The following CPQ variants were observed in gnomAD, a reference collection of about 807,000 sequenced individuals.
CPQ encodes the protein Ser-Met dipeptidase.
Under a neutral mutation model 45.7 loss-of-function variants are expected in CPQ, and 37 were observed. The ratio of observed to expected loss-of-function variants is 0.81; its 90% confidence interval spans 0.62 to 1.07. CPQ has a LOEUF of 1.07. CPQ is among the 50% of genes least tolerant of loss of function. CPQ has a pLI of 0.00. For synonymous variants in CPQ, 186 were observed against 205.8 expected (o/e 0.90, Z 0.82); for missense variants, 537 against 572.9 (o/e 0.94, Z 0.64).
intron 4 of CPQ, among the ~76,000 whole-genome samples, chr8:96,883,860 T>C (rs930752324): frequency 6.6e-6 from 1 of 152,240 alleles, no homozygotes; most frequent in Non-Finnish European, 1.5e-5. Context: ...CTCTATTTCC[T>C]TTCTTTTCCT....
At chr8:96,841,767 G>C (rs1477821530) in intron 3 of CPQ, among the ~76,000 whole-genome samples, 1 of 152,176 alleles carries the variant, frequency 6.6e-6, no homozygotes, top group Admixed American at 6.5e-5. Flanking sequence ...AGATGACTAA[G>C]AGCTGATTAA....
intron 1 of CPQ, among the ~76,000 whole-genome samples, chr8:96,735,662 G>A (rs1809972824): frequency 6.6e-6 from 1 of 152,112 alleles, no homozygotes; most frequent in Non-Finnish European, 1.5e-5. Context: ...ATTCCTTCTA[G>A]TGGGTCATAA....
At chr8:96,667,323 A>G (rs1410202727) in intron 1 of CPQ, among the ~76,000 whole-genome samples, 1 of 151,778 alleles carries the variant, frequency 6.6e-6, no homozygotes, top group Non-Finnish European at 1.5e-5. Context: ...TCTAATTTTG[A>G]AATTCTAATT....
chr8:96,784,831 T>A, intron 1 of CPQ, 33 bp from the exon 2 acceptor site: 1 of 1,462,520 alleles, frequency 6.8e-7, no homozygotes, highest in Non-Finnish European at 9.2e-7. Context: ...GAGATTCTTT[T>A]CCCCTAAAAC....
At chr8:96,852,297 T>C (rs904835193) in intron 3 of CPQ, among the ~76,000 whole-genome samples, 3 of 152,086 alleles carry the variant, frequency 2.0e-5, no homozygotes, top group African/African-American at 7.2e-5. Context: ...CCTTCTTAAC[T>C]AAAAACAAAA....
intron 3 of CPQ, among the ~76,000 whole-genome samples, chr8:96,865,374 A>T (rs1214550661): frequency 6.6e-6 from 1 of 152,028 alleles, no homozygotes; most frequent in East Asian, 1.9e-4. Flanking sequence ...TCTCTGTCTT[A>T]GGGAAGAATA....
intron 2 of CPQ, among the ~76,000 whole-genome samples, chr8:96,794,128 G>T (rs1810891743): frequency 6.6e-6 from 1 of 152,174 alleles, no homozygotes; most frequent in African/African-American, 2.4e-5. Flanking sequence ...CTGTGTGGGG[G>T]CTCTGATCCT....
intron 6 of CPQ, among the ~76,000 whole-genome samples, chr8:97,045,600 G>T (rs1810238624): frequency 6.6e-6 from 1 of 152,326 alleles, no homozygotes; most frequent in Admixed American, 6.5e-5. Flanking sequence ...GGGAGCTGTA[G>T]ACCAGAGCTG....
intron 6 of CPQ, among the ~76,000 whole-genome samples, chr8:97,053,969 T>A (rs1355247657): frequency 6.6e-6 from 1 of 151,844 alleles, no homozygotes; most frequent in East Asian, 1.9e-4. Flanking sequence ...AACTGACAGT[T>A]TGGGGCCCAA....
At chr8:96,980,653 C>T (rs965019383) in intron 5 of CPQ, among the ~76,000 whole-genome samples, 4 of 152,156 alleles carry the variant, frequency 2.6e-5, no homozygotes, top group Admixed American at 6.5e-5. Flanking sequence ...GCTCTCGAGT[C>T]TTCATGTCTG....
chr8:97,017,649 C>T lies in CPQ; in HGVS notation c.962-11754C>T, dbSNP rs369233723. On this transcript the variant is annotated intron_variant, in intron 5 of 7. Transcript: ENST00000220763. ...GTGACTGCCGGCTTTCCCCTACTTC[C>T]CTGACAACCTGCATTACACAGCAGA... 1.4e-3 allele frequency among the ~76,000 whole-genome samples: 206 copies of T among 152,230 alleles called. 1 individual carries two copies. Among genetic ancestry groups the T allele is most frequent in the African/African-American group, 4.8e-3 (201 of 41,536 alleles).
intron 4 of CPQ, among the ~76,000 whole-genome samples, chr8:96,880,573 A>ATATATATATATATATATG (rs1812210640): frequency 9.2e-6 from 1 of 108,960 alleles, no homozygotes; most frequent in African/African-American, 3.6e-5. Flanking sequence ...ATATATATAT[A>ATATATATATATATATATG]TATACCATGG....
chr8:96,735,813 T>C (rs1809975025), intron 1 of CPQ, among the ~76,000 whole-genome samples: 1 of 152,174 alleles, frequency 6.6e-6, no homozygotes, highest in South Asian at 2.1e-4. Context: ...TTCTTCACTG[T>C]TTATTAATCC....
At position 96,645,335 on chromosome 8, in the gene CPQ, G is replaced by GT. The variant is rs941163745; in HGVS notation, c.-101dup. On this transcript the variant is annotated 5_prime_UTR_variant, in exon 1 of 8. Transcript: ENST00000220763. ...AGTCAGGGGTGTGGCCGCCGCCACC[G>GT]TAAGGCTAGGCCGCGAGCTTAGTCC... 2 of 152,404 alleles carry GT rather than the reference G, an allele frequency of 1.3e-5. No individual in the cohort carries two copies. The highest frequency in any genetic ancestry group is 2.9e-5 in the Non-Finnish European group (2 of 68,198). The allele number at this position is 152,404 out of a possible 1,614,324, so 9.4% of individuals were successfully genotyped here. A position where few individuals can be genotyped will look rare whatever the true frequency, so the allele number is the denominator to read the frequency against.
chr8:96,782,693 T>C (rs2130806972), intron 1 of CPQ, among the ~76,000 whole-genome samples: 1 of 152,254 alleles, frequency 6.6e-6, no homozygotes. Context: ...ATGTTCTATT[T>C]CCCCTTAAAT....
At chr8:96,846,901 C>T (rs2130857336) in intron 3 of CPQ, among the ~76,000 whole-genome samples, 1 of 152,116 alleles carries the variant, frequency 6.6e-6, no homozygotes, top group African/African-American at 2.4e-5. Context: ...AAAATTGCTC[C>T]CTAGTCTTTT....
chr8:97,035,770 C>T (rs951498811), intron 6 of CPQ, among the ~76,000 whole-genome samples: 7 of 152,026 alleles, frequency 4.6e-5, no homozygotes, highest in East Asian at 1.9e-4. Flanking sequence ...TGCAGTGGCG[C>T]GATCTCGGCT....
At chr8:96,722,695 A>G (rs1248254382) in intron 1 of CPQ, among the ~76,000 whole-genome samples, 10 of 152,180 alleles carry the variant, frequency 6.6e-5, no homozygotes, top group African/African-American at 2.4e-4. Context: ...GCTTAACACA[A>G]CACAGATTTA....
chr8:97,013,579 C>T (rs1252278408), intron 5 of CPQ, among the ~76,000 whole-genome samples: 1 of 151,990 alleles, frequency 6.6e-6, no homozygotes, highest in Non-Finnish European at 1.5e-5. Context: ...GGAGCTGGAT[C>T]TTGTAAGATA....
Sources: gnomAD v4.1 joint callset for allele counts (sites outside exome capture counted in the v4.1 genomes callset) on GRCh38, gnomAD v4.1.1 for gene constraint, MANE v1.5 for transcripts, NCBI Gene and HGNC (gene_info 2026-07-23, HGNC 2026-07-21) for gene names.